AXIN1: variants seen among roughly 807,000 people sequenced by gnomAD.
AXIN1 encodes axin 1.
Under a neutral mutation model 76.4 loss-of-function variants are expected in AXIN1, and 30 were observed. That is an observed-to-expected ratio of 0.39 (90% CI 0.29 to 0.53). The LOEUF is 0.53. AXIN1 is among the 20% of genes least tolerant of loss of function. The probability of loss-of-function intolerance (pLI) is 0.66; values close to 1 mark genes in which losing one functional copy is unlikely to be tolerated. For missense variants in AXIN1, 1,140 were observed against 1,198.8 expected (o/e 0.95, Z 0.72); for synonymous variants, 545 against 501.4 (o/e 1.09, Z -1.16).
intron 7 of AXIN1, among the ~76,000 whole-genome samples, chr16:295,014 A>G (rs2052671590): frequency 6.8e-6 from 1 of 146,890 alleles, no homozygotes; most frequent in Admixed American, 6.8e-5. Flanking sequence ...CAGTGAGCTG[A>G]GATCAGGCCA....
chr16:346,786 T>G lies in AXIN1; in HGVS notation c.240A>C (p.Pro80=). The G allele has an allele frequency of 6.2e-7, 1 of 1,611,802 alleles. No individual in the cohort carries two copies. The highest frequency in any genetic ancestry group is 1.1e-5 in the South Asian group (1 of 90,992). ...GTGACTCAGCCCACTTCAAGTATGG[T>G]GGGGTGGGGGAGGCACTGCCCTCAG... ...YEPEGSASPT[P]PYLKWAESLH... Residue 80 remains proline (P), a synonymous_variant, in exon 2 of 11, where the codon CCA becomes CCC. Transcript: ENST00000262320.
At chr16:317,013 G>A (rs974968825) in intron 2 of AXIN1, among the ~76,000 whole-genome samples, 3 of 152,196 alleles carry the variant, frequency 2.0e-5, no homozygotes, top group Admixed American at 1.3e-4. Context: ...GCACATGGCC[G>A]GAGGAACTGC....
In AXIN1 at chr16:288,202, A is replaced by G. The variant is rs1215958072; in HGVS notation, c.2509T>C (p.Phe837Leu). The change falls in exon 11 of 11, where the codon TTT (phenylalanine) becomes CTT (leucine). Residue 837 changes from phenylalanine (F) to leucine (L), a missense_variant. Physicochemically the swap from Phe to Leu is conservative, Grantham distance 22. Around this residue, in one of 3 missense-constraint regions of AXIN1, gnomAD observed 429 missense variants for 405.8 expected, o/e 1.06. Transcript: ENST00000262320. ...GCCTCGTCCTCTCGAACCTCCTCAA[A>G]CACCACCCCACAGTCAAACTCGTCG... ...VSDEFDCGVV[F>L]EEVREDEAVL... 6.2e-7 allele frequency: 1 copy of G among 1,613,454 alleles called. No homozygotes were observed. Among genetic ancestry groups the G allele is most frequent in the Admixed American group, 1.7e-5 (1 of 60,002 alleles).
intron 2 of AXIN1, among the ~76,000 whole-genome samples, chr16:342,673 C>T (rs190304784): frequency 1.6e-3 from 244 of 152,346 alleles, no homozygotes; most frequent in African/African-American, 5.7e-3. Context: ...CGGGACACAG[C>T]GGCACACGTG....
intron 8 of AXIN1, chr16:291,662 C>A (rs941049168): frequency 5.3e-6 from 2 of 375,100 alleles, no homozygotes; most frequent in Non-Finnish European, 1.0e-5. Context: ...GAATTCCCCA[C>A]CGATAGCGTG....
chr16:333,056 G>A (rs771247283), intron 2 of AXIN1, among the ~76,000 whole-genome samples: 13 of 152,218 alleles, frequency 8.5e-5, no homozygotes, highest in East Asian at 1.9e-4. Context: ...GAGGTGGGCC[G>A]GGTGCAATTG....
chr16:294,123 C>T (rs577095282), intron 7 of AXIN1, among the ~76,000 whole-genome samples: 1 of 151,990 alleles, frequency 6.6e-6, no homozygotes, highest in South Asian at 2.1e-4. Flanking sequence ...ATCACGCCAC[C>T]GCACTCCAGC....
At position 304,402 on chromosome 16, in the gene AXIN1, G is replaced by C. The variant is rs1195471439; in HGVS notation, c.1156C>G (p.Gln386Glu). ...RVPKEVRVEP[Q>E]KFAEELIHRL... is the part of the protein sequence containing the mutation. ...TGGATGAGCTCCTCCGCGAACTTCTGAGGCTCCACGCGGACCTCCTTCGGC... is the reference window on the plus strand; with the variant it reads ...TGGATGAGCTCCTCCGCGAACTTCTCAGGCTCCACGCGGACCTCCTTCGGC... Residue 386 changes from glutamine (Q) to glutamate (E), a missense_variant, in exon 5 of 11, where the codon CAG becomes GAG. By Grantham distance (29) the Gln-to-Glu change is conservative. Transcript: ENST00000262320. The C allele has an allele frequency of 6.2e-7, 1 of 1,612,760 alleles. No individual in the cohort carries two copies. The highest frequency in any genetic ancestry group is 1.3e-5 in the African/African-American group (1 of 75,070).
intron 2 of AXIN1, among the ~76,000 whole-genome samples, chr16:334,434 A>G (rs1169116271): frequency 1.3e-5 from 2 of 150,666 alleles, no homozygotes; most frequent in Non-Finnish European, 3.0e-5. Context: ...ATTACACAGC[A>G]CCCAATACCA....
chr16:289,737 C>G, intron 9 of AXIN1, 130 bp from the exon 10 acceptor site: 3 of 1,178,806 alleles, frequency 2.5e-6, no homozygotes, highest in East Asian at 2.5e-5. Context: ...CATTCAAACA[C>G]CTGGGGCCCG....
At chr16:342,086 C>G (rs959055063) in intron 2 of AXIN1, among the ~76,000 whole-genome samples, 7 of 152,194 alleles carry the variant, frequency 4.6e-5, no homozygotes, top group South Asian at 2.1e-4. Flanking sequence ...GTAACTCGCT[C>G]GGGTCCCCTT....
chr16:304,813 G>A (rs1016923636), intron 4 of AXIN1, among the ~76,000 whole-genome samples: 7 of 152,184 alleles, frequency 4.6e-5, no homozygotes, highest in African/African-American at 1.4e-4. Context: ...GGGATTACAG[G>A]TGTGAGCCAC....
intron 2 of AXIN1, among the ~76,000 whole-genome samples, chr16:336,118 C>T (rs957534629): frequency 6.6e-6 from 1 of 152,142 alleles, no homozygotes; most frequent in Non-Finnish European, 1.5e-5. Flanking sequence ...GCCTGTAATC[C>T]CAGCTACTCG....
chr16:330,670 AG>A (rs1462904355), intron 2 of AXIN1, among the ~76,000 whole-genome samples: 9 of 152,228 alleles, frequency 5.9e-5, no homozygotes, highest in African/African-American at 2.2e-4. Context: ...TAGGTTCACA[AG>A]GATCTGATGA....
intron 8 of AXIN1, 179 bp from the exon 9 acceptor site, chr16:291,476 T>C (rs2685119): frequency 0.38 from 248,696 of 651,686 alleles, 50,756 homozygotes; most frequent in African/African-American, 0.63. Context: ...AGGCCTGCCT[T>C]GGTGGTACCC....
chr16:337,497 CAAAAAAA>C (rs35744069), intron 2 of AXIN1, among the ~76,000 whole-genome samples: 1 of 72,034 alleles, frequency 1.4e-5, no homozygotes, highest in Non-Finnish European at 3.1e-5. Context: ...GGGTCAAAAC[CAAAAAAA>C]AAAAAAAAAA....
intron 2 of AXIN1, among the ~76,000 whole-genome samples, chr16:342,087 G>A (rs922096864): frequency 4.3e-4 from 66 of 152,294 alleles, no homozygotes; most frequent in East Asian, 1.9e-3. Context: ...TAACTCGCTC[G>A]GGTCCCCTTC....
chr16:351,982 A>C (rs2054155329), intron 1 of AXIN1, among the ~76,000 whole-genome samples: 1 of 152,160 alleles, frequency 6.6e-6, no homozygotes, highest in Admixed American at 6.5e-5. Flanking sequence ...CGGACGCCGG[A>C]GCACGCGGCT....
chr16:346,412 T>C lies in AXIN1; in HGVS notation c.614A>G (p.Asp205Gly), dbSNP rs2141702870. 6.2e-7 allele frequency: 1 copy of C among 1,614,180 alleles called. No homozygotes were observed. The highest frequency in any genetic ancestry group is 1.3e-5 in the African/African-American group (1 of 75,038). Reference protein sequence around the residue: ...ENTYPSFLKSDIYLEYTRTGS... With the variant: ...ENTYPSFLKSGIYLEYTRTGS... ...TGTCCTCGTATATTCCAAATAAATATCAGACTTAAGGAAGGAGGGATAGGT... is the reference window on the plus strand; with the variant it reads ...TGTCCTCGTATATTCCAAATAAATACCAGACTTAAGGAAGGAGGGATAGGT... The change falls in exon 2 of 11, where the codon GAT becomes GGT. Residue 205 changes from aspartate (D) to glycine (G), a missense_variant. This residue lies in a region of AXIN1 where 708 missense variants were observed against 776.9 expected (regional missense o/e 0.91). Transcript: ENST00000262320.
Sources: allele counts gnomAD v4.1 joint callset (sites outside exome capture counted in the v4.1 genomes callset), GRCh38; gene constraint gnomAD v4.1.1; regional missense constraint gnomAD v4.1.1; transcripts MANE v1.5; gene names NCBI Gene and HGNC (gene_info 2026-07-23, HGNC 2026-07-21).